Variants in CCDC148 observed in about 807,000 individuals in gnomAD.
CCDC148 encodes the protein coiled-coil domain containing 148.
In CCDC148, 89 loss-of-function variants were observed where a neutral mutation model predicts 85.7. The ratio of observed to expected loss-of-function variants is 1.04; its 90% confidence interval spans 0.87 to 1.24. The LOEUF is 1.24. CCDC148 is among the 50% of genes most tolerant of loss of function. The pLI is 0.00. For missense variants in CCDC148, 692 were observed against 671.7 expected, an observed-to-expected ratio of 1.03 and a Z score of -0.33; for synonymous variants, 230 against 213.9, an observed-to-expected ratio of 1.08 and a Z score of -0.66.
intron 11 of CCDC148, among the ~76,000 whole-genome samples, chr2:158,207,816 C>G (rs1021731919): frequency 1.3e-5 from 2 of 152,150 alleles, no homozygotes; most frequent in African/African-American, 4.8e-5. Context: ...TAAAGAACTG[C>G]AGTCAGTCAA....
At chr2:158,456,349 T>G in intron 1 of CCDC148, 66 bp downstream of exon 1, 2 of 1,529,342 alleles carry the variant, frequency 1.3e-6, no homozygotes, top group South Asian at 1.2e-5. Flanking sequence ...CAAACATAAG[T>G]AGGATTTAGG....
At chr2:158,197,935 A>C (rs143951820) in intron 11 of CCDC148, among the ~76,000 whole-genome samples, 1 of 147,448 alleles carries the variant, frequency 6.8e-6, no homozygotes, top group Non-Finnish European at 1.5e-5. Flanking sequence ...TGAATTAATC[A>C]ATTAATTCAA....
chr2:158,281,305 C>CA (rs1217335840), intron 9 of CCDC148, among the ~76,000 whole-genome samples: 2 of 151,958 alleles, frequency 1.3e-5, no homozygotes, highest in East Asian at 1.9e-4. Flanking sequence ...AATAGAGACA[C>CA]AAAAAACCCT....
At chr2:158,427,670 G>C (rs932828080) in intron 1 of CCDC148, among the ~76,000 whole-genome samples, 1 of 151,994 alleles carries the variant, frequency 6.6e-6, no homozygotes, top group Non-Finnish European at 1.5e-5. Context: ...AGGAGTTCGA[G>C]ACCAGCCTGG....
chr2:158,227,378 T>G (rs1687601874), intron 10 of CCDC148, among the ~76,000 whole-genome samples: 1 of 151,892 alleles, frequency 6.6e-6, no homozygotes, highest in African/African-American at 2.4e-5. Context: ...ATGGCCATAC[T>G]GCCCAAGGTA....
intron 1 of CCDC148, among the ~76,000 whole-genome samples, chr2:158,432,408 T>TA (rs1559141021): frequency 6.6e-6 from 1 of 151,924 alleles, no homozygotes; most frequent in Non-Finnish European, 1.5e-5. Flanking sequence ...AAAGTATGGG[T>TA]AAAAAATACA....
chr2:158,195,728 G>T (rs1305335326), intron 11 of CCDC148, among the ~76,000 whole-genome samples: 2 of 152,124 alleles, frequency 1.3e-5, no homozygotes, highest in African/African-American at 4.8e-5. Flanking sequence ...CCTGCAAGAA[G>T]ACAAGATAGA....
At chr2:158,335,193 C>T (rs1339975979) in intron 7 of CCDC148, among the ~76,000 whole-genome samples, 7 of 152,162 alleles carry the variant, frequency 4.6e-5, no homozygotes, top group Non-Finnish European at 7.4e-5. Flanking sequence ...CAGATGACTG[C>T]CAGCAGTAAC....
In CCDC148 at chr2:158,456,285, C is replaced by A. The variant is rs370074620; in HGVS notation, c.25+130G>T. On this transcript the variant is annotated intron_variant, in intron 1 of 13. Transcript: ENST00000283233. Reference sequence around the variant, plus strand: ...TTCAGAAGAGTTATGAGTTTGAGGACCCAAAACGTTGAGGAAAGATCCACC... The same window carrying A: ...TTCAGAAGAGTTATGAGTTTGAGGAACCAAAACGTTGAGGAAAGATCCACC... 12 of 907,310 alleles carry A rather than the reference C, an allele frequency of 1.3e-5. No homozygotes were observed. In the East Asian group the frequency reaches 2.1e-4, roughly 16 times the overall value. The allele number at this position is 907,310 out of a possible 1,614,324, so 56.2% of individuals were successfully genotyped here.
At chr2:158,258,788 G>A (rs1028888233) in intron 9 of CCDC148, among the ~76,000 whole-genome samples, 3 of 151,800 alleles carry the variant, frequency 2.0e-5, no homozygotes, top group African/African-American at 7.3e-5. Context: ...GCCAGACTCA[G>A]CAGAGAAAAT....
At position 158,229,634 on chromosome 2, in the gene CCDC148, T is replaced by C. The variant is rs148863884; in HGVS notation, c.1252-8921A>G. Among the ~76,000 whole-genome samples the C allele has an allele frequency of 4.7e-3, 722 of 152,252 alleles. 1 individual carries two copies. Among genetic ancestry groups the C allele is most frequent in the African/African-American group, 0.016 (657 of 41,556 alleles). The stretch of plus-strand genomic sequence containing the variant: ...AAGCTCTACAAGATATCTTTCTCAT[T>C]GTTCAGCCCATCAGAAGAAGAGGTA... On this transcript the variant is annotated intron_variant, in intron 10 of 13. Transcript: ENST00000283233.
At position 158,358,500 on chromosome 2, in the gene CCDC148, C is replaced by A; in HGVS notation, c.96G>T (p.Leu32Phe). 6.2e-7 allele frequency: 1 copy of A among 1,608,618 alleles called. No individual in the cohort carries two copies. The highest frequency in any genetic ancestry group is 8.5e-7 in the Non-Finnish European group (1 of 1,178,274). Residue 32 changes from leucine (L) to phenylalanine (F), a missense_variant, in exon 2 of 14, where the codon TTG becomes TTT. Leu to Phe is a conservative substitution (Grantham distance 22, BLOSUM62 0). Coordinates refer to ENST00000283233, the MANE Select transcript of CCDC148 (RefSeq NM_138803.4). ...ATTTCTTTGCTTCAGTTAATGCACG[C>A]AATTGTTGATAGTCTACTGGTTTGT... ...IKYKPVDYQQ[L>F]RALTEAKKLA...
chr2:158,407,963 C>G (rs76330337), intron 1 of CCDC148, among the ~76,000 whole-genome samples: 4,169 of 152,188 alleles, frequency 0.027, 98 homozygotes, highest in Non-Finnish European at 0.045. Context: ...AGTACAAATT[C>G]TAAATTCTTT....
At chr2:158,354,362 T>A (rs1413112526) in intron 2 of CCDC148, among the ~76,000 whole-genome samples, 4 of 151,678 alleles carry the variant, frequency 2.6e-5, no homozygotes, top group African/African-American at 9.7e-5. Flanking sequence ...GAGAGAAGAA[T>A]CTAATAGACA....
At chr2:158,242,238 CATT>C (rs1402852089) in intron 10 of CCDC148, among the ~76,000 whole-genome samples, 1 of 152,120 alleles carries the variant, frequency 6.6e-6, no homozygotes, top group Non-Finnish European at 1.5e-5. Context: ...CACTGCCTCT[CATT>C]ATTATTATCT....
chr2:158,302,256 T>C (rs1574581300), intron 9 of CCDC148, among the ~76,000 whole-genome samples: 1 of 152,086 alleles, frequency 6.6e-6, no homozygotes, highest in South Asian at 2.1e-4. Flanking sequence ...CTGAATTTTC[T>C]TGCTAAAGTA....
intron 1 of CCDC148, among the ~76,000 whole-genome samples, chr2:158,375,537 T>C (rs1479115885): frequency 6.6e-6 from 1 of 152,122 alleles, no homozygotes; most frequent in Non-Finnish European, 1.5e-5. Flanking sequence ...GCTGAGGAAA[T>C]TTTATCCTCT....
chr2:158,372,007 A>C (rs568942612), intron 1 of CCDC148, among the ~76,000 whole-genome samples: 17 of 152,116 alleles, frequency 1.1e-4, no homozygotes, highest in African/African-American at 1.7e-4. Context: ...AGGCTTTTCC[A>C]GTCTGGGGAA....
intron 11 of CCDC148, among the ~76,000 whole-genome samples, chr2:158,179,241 C>T (rs1233004890): frequency 7.6e-6 from 1 of 132,182 alleles, no homozygotes; most frequent in Non-Finnish European, 1.6e-5. Context: ...TCACTGCAAC[C>T]TCTGCCTCCT....
Sources: gnomAD v4.1 joint callset for allele counts (sites outside exome capture counted in the v4.1 genomes callset) on GRCh38, gnomAD v4.1.1 for gene constraint, MANE v1.5 for transcripts, NCBI Gene and HGNC (gene_info 2026-07-23, HGNC 2026-07-21) for gene names.